KANK3: variants seen among roughly 807,000 people sequenced by gnomAD.
The protein encoded by KANK3 is KN motif and ankyrin repeat domain-containing protein 3.
A neutral mutation model predicts 65.4 loss-of-function variants in KANK3; 61 were observed. The ratio of observed to expected loss-of-function variants is 0.93; its 90% CI spans 0.76 to 1.15. KANK3 has a LOEUF of 1.15. Among genes scored for constraint, KANK3 ranks in the 50% most tolerant of loss-of-function variants. KANK3 has a pLI of 0.00. For missense variants in KANK3, 1,187 were observed against 1,178.8 expected (o/e 1.01, Z -0.10); for synonymous variants, 586 against 543.3 (o/e 1.08, Z -1.09).
chr19:8,328,387 C>CCACACACACACA (rs55963090), intron 7 of KANK3, among the ~76,000 whole-genome samples: 3 of 145,104 alleles, frequency 2.1e-5, no homozygotes, highest in South Asian at 4.5e-4. Flanking sequence ...ACCACCCCCA[C>CCACACACACACA]CACACACACA....
Position 8,322,832 on chromosome 19 carries a change from A to C in KANK3, c.*7T>G. ...ACAGCTAGGTGTAGTGAGCCAGACGAGGCAGCTTACTGAACCTGGGGGTTC... is the reference window on the plus strand; with the variant it reads ...ACAGCTAGGTGTAGTGAGCCAGACGCGGCAGCTTACTGAACCTGGGGGTTC... On this transcript the variant is annotated 3_prime_UTR_variant, in exon 11 of 11. Coordinates refer to ENST00000330915, the MANE Select transcript of KANK3 (RefSeq NM_198471.3). 1.2e-6 allele frequency: 2 copies of C among 1,602,984 alleles called. No individual in the cohort carries two copies. Among genetic ancestry groups the C allele is most frequent in the South Asian group, 2.2e-5 (2 of 90,108 alleles).
rs62120998 is a variant in KANK3 at position 8,334,913 on chromosome 19, G to A, written c.914C>T (p.Ala305Val). The A allele has an allele frequency of 1.4e-6, 2 of 1,461,926 alleles. No homozygotes were observed. The highest frequency in any genetic ancestry group is 2.9e-5 in the East Asian group (1 of 34,698). 90.6% of individuals were successfully genotyped at this position (1,461,926 alleles called of 1,614,324 possible). A position where few individuals can be genotyped will look rare whatever the true frequency, so the allele number is the denominator to read the frequency against. ...DGTPQTREVA[A>V]EAVPETREAG... Reference sequence around the variant, plus strand: ...TTCTCGGGTCTCGGGCACGGCCTCGGCGGCCACCTCCCGGGTCTGGGGCGT... The same window carrying A: ...TTCTCGGGTCTCGGGCACGGCCTCGACGGCCACCTCCCGGGTCTGGGGCGT... The change falls in exon 3 of 11, where the codon GCC (alanine) becomes GTC (valine). Residue 305 changes from alanine to valine, a missense_variant. Around this residue, in one of 3 missense-constraint regions of KANK3, gnomAD observed 1,078 missense variants for 1,038.2 expected, o/e 1.04. Transcript: ENST00000330915.
chr19:8,329,215 G>A (rs1169086591), intron 7 of KANK3, among the ~76,000 whole-genome samples: 38 of 150,538 alleles, frequency 2.5e-4, no homozygotes, highest in Admixed American at 2.0e-4. Flanking sequence ...GGCTGGGTGC[G>A]GTTGCTCACT....
At chr19:8,324,573 T>G in intron 9 of KANK3, 26 bp from the exon 10 acceptor site, 1 of 1,612,950 alleles carries the variant, frequency 6.2e-7, no homozygotes. Context: ...GACAGTCAGA[T>G]CCCTGAGCCA....
rs375332725 is a variant in KANK3, at chr19:8,333,246, G to A, written c.1720-16C>T. 115 of 1,593,930 alleles carry A rather than the reference G, an allele frequency of 7.2e-5. No individual in the cohort carries two copies. Among genetic ancestry groups the A allele is most frequent in the Non-Finnish European group, 8.7e-5 (102 of 1,168,952 alleles). ...GCACTGCGCCCTGCAAGGGACAGGG[G>A]CCAAGATAACATCGGCGATGGTCCA... On this transcript the variant is annotated splice_polypyrimidine_tract_variant and intron_variant, in intron 6 of 10. Transcript: ENST00000330915. This position sits in a 1 kb window ranked among gnomAD's most constrained non-coding sequence, Gnocchi z 5.0.
chr19:8,334,729 G>T lies in KANK3; in HGVS notation c.1098C>A (p.Arg366=). 1 of 1,530,130 alleles carries T rather than the reference G, an allele frequency of 6.5e-7. No individual in the cohort carries two copies. The highest frequency in any genetic ancestry group is 2.5e-5 in the East Asian group (1 of 40,458). 94.8% of individuals were successfully genotyped at this position (1,530,130 alleles called of 1,614,324 possible). A position where few individuals can be genotyped will look rare whatever the true frequency, so the allele number is the denominator to read the frequency against. The change falls in exon 3 of 11, where the codon CGC becomes CGA. Residue 366 remains arginine, a synonymous_variant. Transcript: ENST00000330915. ...ELLRASLEHQ[R]GVSELLRGRL... is the part of the protein sequence containing the mutation. ...GGCCCCGCAGAAGCTCACTCACCCC[G>T]CGCTGGTGCTCCAGACTGGCGCGCA...
chr19:8,333,845 G>A lies in KANK3; in HGVS notation c.1635-37C>T, dbSNP rs758464066. 1.3e-6 allele frequency: 2 copies of A among 1,547,474 alleles called. No homozygotes were observed. The highest frequency in any genetic ancestry group is 1.7e-6 in the Non-Finnish European group (2 of 1,146,188). Reference sequence around the variant, plus strand: ...GCCAGGAGAGACTCAGGATGGATCGGGGACAGCGCCGACCAGGAGGAGGGC... The same window carrying A: ...GCCAGGAGAGACTCAGGATGGATCGAGGACAGCGCCGACCAGGAGGAGGGC... On this transcript the variant is annotated intron_variant, in intron 5 of 10. Coordinates refer to ENST00000330915, the MANE Select transcript of KANK3 (RefSeq NM_198471.3). This position sits in a 1 kb window ranked among gnomAD's most constrained non-coding sequence, Gnocchi z 5.0.
intron 10 of KANK3, chr19:8,323,544 T>A (rs1233781540): frequency 6.6e-6 from 1 of 151,678 alleles, no homozygotes; most frequent in Non-Finnish European, 1.5e-5. Context: ...CCAGCCTGGG[T>A]GACAGAACGA....
At chr19:8,332,848 A>T (rs1203002237) in intron 7 of KANK3, 166 bp downstream of exon 7, 3 of 393,860 alleles carry the variant, frequency 7.6e-6, no homozygotes, top group Non-Finnish European at 1.3e-5. Flanking sequence ...AAATAAAATA[A>T]AATAATAAAA....
intron 2 of KANK3, among the ~76,000 whole-genome samples, chr19:8,336,727 G>A (rs1235784926): frequency 3.1e-5 from 4 of 129,810 alleles, no homozygotes; most frequent in Admixed American, 1.7e-4. Flanking sequence ...GTGACAGAGT[G>A]AGACCCTGTC....
intron 2 of KANK3, 145 bp downstream of exon 2, chr19:8,337,650 T>C (rs1970664890): frequency 1.0e-6 from 1 of 967,838 alleles, no homozygotes; most frequent in East Asian, 2.5e-5. Context: ...CCGGCCATGA[T>C]TGATGCCATA....
intron 1 of KANK3, among the ~76,000 whole-genome samples, chr19:8,340,845 TCAACAGG>T (rs1970715155): frequency 6.6e-6 from 1 of 152,158 alleles, no homozygotes; most frequent in Non-Finnish European, 1.5e-5. Flanking sequence ...AAGGGGTGGA[TCAACAGG>T]CCAGCGGGTC....
chr19:8,332,539 C>T (rs1970544182), intron 7 of KANK3, among the ~76,000 whole-genome samples: 1 of 150,400 alleles, frequency 6.6e-6, no homozygotes, highest in Non-Finnish European at 1.5e-5. Context: ...AGGAGGTTGG[C>T]TGGGCGCAGT....
chr19:8,328,076 G>A lies in KANK3; in HGVS notation c.1937-2980C>T, dbSNP rs112318114. On this transcript the variant is annotated intron_variant, in intron 7 of 10. Coordinates refer to ENST00000330915, the MANE Select transcript of KANK3 (RefSeq NM_198471.3). ...GAGGATCACTTGAGCTCTGGAGTTC[G>A]AGAACAGCCTGGACAACAGAGCGAG... Among the ~76,000 whole-genome samples, 545 of 152,252 alleles carry A rather than the reference G, an allele frequency of 3.6e-3. 1 individual carries two copies. The highest frequency in any genetic ancestry group is 0.014 in the Middle Eastern group (4 of 292).
intron 1 of KANK3, among the ~76,000 whole-genome samples, chr19:8,340,711 C>T (rs759327412): frequency 5.9e-5 from 9 of 152,154 alleles, no homozygotes; most frequent in Admixed American, 3.9e-4. Context: ...CTGGGGAAAC[C>T]GTAACTCCAT....
Position 8,322,867 on chromosome 19 carries a change from T to C in KANK3, c.2438A>G (p.Asp813Gly). The C allele has an allele frequency of 1.3e-6, 2 of 1,594,560 alleles. No individual in the cohort carries two copies. Among genetic ancestry groups the C allele is most frequent in the Non-Finnish European group, 1.7e-6 (2 of 1,170,182 alleles). ...CTGAACCTGGGGGTTCTCTCCATTG[T>C]CACCGCATTCTCCTTCACCAGGTGT... ...TATPGEGECG[D>G]NGENPQVQ The change falls in exon 11 of 11, where the codon GAC becomes GGC. Residue 813 changes from aspartate (D) to glycine (G), a missense_variant. Physicochemically the swap from Asp to Gly is moderately conservative, Grantham distance 94. This residue lies in a region of KANK3 where 1,078 missense variants were observed against 1,038.2 expected (regional missense o/e 1.04). Coordinates refer to ENST00000330915, the MANE Select transcript of KANK3 (RefSeq NM_198471.3).
Position 8,333,594 on chromosome 19 carries a change from C to A in KANK3, c.1719+130G>T. 1 of 733,994 alleles carries A rather than the reference C, an allele frequency of 1.4e-6. No homozygotes were observed. The highest frequency in any genetic ancestry group is 2.1e-6 in the Non-Finnish European group (1 of 476,274). The allele number at this position is 733,994 out of a possible 1,614,324, so 45.5% of individuals were successfully genotyped here. ...CGCTGTCCTGGGAAGGAGATCCCTT[C>A]GGAGAGCCTGGGGTCAGGCGAGGTG... On this transcript the variant is annotated intron_variant, in intron 6 of 10. Transcript: ENST00000330915. The surrounding 1 kb of genome is among the most constrained non-coding windows in gnomAD (Gnocchi z 5.0).
chr19:8,334,227 C>T, intron 4 of KANK3, 93 bp downstream of exon 4: 1 of 1,555,546 alleles, frequency 6.4e-7, no homozygotes, highest in Non-Finnish European at 8.7e-7. Flanking sequence ...TGAGGATTGC[C>T]CAGACCACGC....
At chr19:8,338,394 G>A (rs1345477291) in intron 1 of KANK3, among the ~76,000 whole-genome samples, 1 of 152,156 alleles carries the variant, frequency 6.6e-6, no homozygotes, top group East Asian at 1.9e-4. Flanking sequence ...GAGGAAGCAG[G>A]AAAGACATCA....
Sources: gnomAD v4.1 joint callset for allele counts (sites outside exome capture counted in the v4.1 genomes callset) on GRCh38, gnomAD v4.1.1 for gene constraint, gnomAD v4.1.1 regional missense constraint, Gnocchi (gnomAD v3.1) non-coding constraint, MANE v1.5 for transcripts, NCBI Gene and HGNC (gene_info 2026-07-23, HGNC 2026-07-21) for gene names.